The following DCC variants were observed in gnomAD, a reference collection of about 807,000 sequenced individuals.
DCC encodes the protein DCC netrin 1 receptor.
A neutral mutation model predicts 172.5 loss-of-function variants in DCC; 58 were observed. The observed-to-expected ratio is 0.34, with a 90% CI of 0.27 to 0.42. The LOEUF (loss-of-function observed/expected upper bound fraction) is 0.42. DCC is among the 10% of genes least tolerant of loss of function. DCC has a pLI of 1.00. For missense variants in DCC, 1,740 were observed against 1,791.0 expected (o/e 0.97, Z 0.51); for synonymous variants, 709 against 644.5 (o/e 1.10, Z -1.52).
intron 1 of DCC, among the ~76,000 whole-genome samples, chr18:52,489,393 T>G (rs1568194255): frequency 1.3e-5 from 2 of 152,124 alleles, no homozygotes; most frequent in Non-Finnish European, 2.9e-5. Context: ...CATAATGAAG[T>G]ATGATTTTGA....
In DCC at chr18:52,884,923, C is replaced by CT. The variant is rs569261512; in HGVS notation, c.413-21120dup. Among the ~76,000 whole-genome samples the CT allele has an allele frequency of 2.1e-3, 316 of 152,268 alleles. 1 individual carries two copies. The highest frequency in any genetic ancestry group is 7.2e-3 in the African/African-American group (300 of 41,554). On this transcript the variant is annotated intron_variant, in intron 2 of 28. Transcript: ENST00000442544. ...TTCTTGCAGACTCATAGAGGTACCA[C>CT]TATGGTGGCCTTAGATTTAATCTGA...
intron 15 of DCC, among the ~76,000 whole-genome samples, chr18:53,376,036 G>A (rs560593146): frequency 1.3e-5 from 2 of 152,204 alleles, no homozygotes; most frequent in South Asian, 2.1e-4. Context: ...TTCTAAAATA[G>A]GGATGATCAT....
chr18:52,447,197 C>A (rs570670799), intron 1 of DCC, among the ~76,000 whole-genome samples: 7 of 152,138 alleles, frequency 4.6e-5, no homozygotes, highest in Admixed American at 1.3e-4. Context: ...ATAAAGATAA[C>A]CCCCCGTCTT....
intron 5 of DCC, among the ~76,000 whole-genome samples, chr18:52,987,686 C>G (rs2041317510): frequency 6.6e-6 from 1 of 152,184 alleles, no homozygotes; most frequent in South Asian, 2.1e-4. Context: ...TTATTCACTT[C>G]ATCTGTGTAT....
chr18:52,482,064 C>T (rs1344885098), intron 1 of DCC, among the ~76,000 whole-genome samples: 2 of 152,010 alleles, frequency 1.3e-5, no homozygotes, highest in African/African-American at 4.8e-5. Context: ...GGCTTTTGCT[C>T]ATTCCCCACT....
chr18:53,484,004 TAGATA>T (rs2045870789), intron 25 of DCC, among the ~76,000 whole-genome samples: 1 of 143,482 alleles, frequency 7.0e-6, no homozygotes. Flanking sequence ...GATAGATAGA[TAGATA>T]GATATAGTGT....
chr18:53,480,034 C>A (rs1386694867), intron 25 of DCC, among the ~76,000 whole-genome samples: 1 of 152,146 alleles, frequency 6.6e-6, no homozygotes, highest in Non-Finnish European at 1.5e-5. Context: ...AGATCAGAGT[C>A]TATATCTTTC....
intron 1 of DCC, among the ~76,000 whole-genome samples, chr18:52,698,338 C>G (rs1248979129): frequency 6.6e-6 from 1 of 152,156 alleles, no homozygotes; most frequent in Non-Finnish European, 1.5e-5. Flanking sequence ...GCTTCTTTAA[C>G]TTTGGAAAGA....
chr18:53,529,034 T>TCACA (rs1555683553), intron 28 of DCC, among the ~76,000 whole-genome samples: 5 of 64,382 alleles, frequency 7.8e-5, no homozygotes, highest in Admixed American at 3.4e-4. Context: ...TCTCTCTCTC[T>TCACA]CTCTCACACA....
At chr18:53,126,597 T>C (rs1164123962) in intron 7 of DCC, among the ~76,000 whole-genome samples, 1 of 152,146 alleles carries the variant, frequency 6.6e-6, no homozygotes, top group East Asian at 1.9e-4. Flanking sequence ...TTGATTTTCT[T>C]ATGAATCTCA....
chr18:53,297,052 A>G (rs1304703980), intron 12 of DCC, among the ~76,000 whole-genome samples: 1 of 152,206 alleles, frequency 6.6e-6, no homozygotes, highest in Non-Finnish European at 1.5e-5. Flanking sequence ...AGTGTGCAGT[A>G]GGAGATGTGG....
intron 9 of DCC, among the ~76,000 whole-genome samples, chr18:53,192,136 A>G (rs1325043386): frequency 2.0e-5 from 3 of 152,170 alleles, no homozygotes; most frequent in Non-Finnish European, 4.4e-5. Flanking sequence ...ATACAGGAAA[A>G]CTAGGTTTTC....
chr18:52,937,441 G>A (rs556450877), intron 5 of DCC, among the ~76,000 whole-genome samples: 14 of 152,136 alleles, frequency 9.2e-5, no homozygotes, highest in Admixed American at 7.9e-4. Flanking sequence ...ATTTTCCACT[G>A]TAAGCCTTTT....
intron 1 of DCC, among the ~76,000 whole-genome samples, chr18:52,687,971 G>A (rs929262601): frequency 2.6e-5 from 4 of 152,092 alleles, no homozygotes; most frequent in Non-Finnish European, 4.4e-5. Flanking sequence ...TTTCTGCTTT[G>A]TAAGAGTCTT....
chr18:52,491,097 G>T (rs2030476507), intron 1 of DCC, among the ~76,000 whole-genome samples: 1 of 151,986 alleles, frequency 6.6e-6, no homozygotes, highest in Admixed American at 6.6e-5. Flanking sequence ...AGGCTTTCAA[G>T]ATGTTTTCAG....
intron 15 of DCC, among the ~76,000 whole-genome samples, chr18:53,376,337 T>C (rs1469669259): frequency 6.6e-6 from 1 of 152,042 alleles, no homozygotes; most frequent in African/African-American, 2.4e-5. Context: ...TGAGCCAAGA[T>C]AGCGCCACTG....
At chr18:52,783,360 TTAC>T (rs2145190601) in intron 2 of DCC, among the ~76,000 whole-genome samples, 1 of 99,176 alleles carries the variant, frequency 1.0e-5, no homozygotes, top group Non-Finnish European at 2.0e-5. Flanking sequence ...TTTTTTTTTT[TTAC>T]AACACAAAGG....
chr18:52,380,376 G>C (rs1045968447), intron 1 of DCC, among the ~76,000 whole-genome samples: 1 of 152,044 alleles, frequency 6.6e-6, no homozygotes, highest in Non-Finnish European at 1.5e-5. Context: ...GTGATTCTTA[G>C]TATACCATCT....
intron 5 of DCC, among the ~76,000 whole-genome samples, chr18:53,029,965 T>C (rs1404840656): frequency 6.6e-6 from 1 of 152,314 alleles, no homozygotes; most frequent in East Asian, 1.9e-4. Context: ...CTAGATATTT[T>C]ATGCAGCCAT....
Sources: allele counts gnomAD v4.1 joint callset (sites outside exome capture counted in the v4.1 genomes callset), GRCh38; gene constraint gnomAD v4.1.1; transcripts MANE v1.5; gene names NCBI Gene and HGNC (gene_info 2026-07-23, HGNC 2026-07-21).